SAMMSON: variants seen among roughly 807,000 people sequenced by gnomAD.
The protein encoded by SAMMSON is survival associated mitochondrial melanoma specific oncogenic non-coding RNA.
chr3:70,236,009 C>T (rs918736388), intron 4 of SAMMSON, among the ~76,000 whole-genome samples: 1 of 152,270 alleles, frequency 6.6e-6, no homozygotes, highest in Non-Finnish European at 1.5e-5. Context: ...TGAAAAAATA[C>T]TAGCAGCGAA....
chr3:70,374,798 G>C (rs550269835), intron 9 of SAMMSON, among the ~76,000 whole-genome samples: 8 of 152,288 alleles, frequency 5.3e-5, no homozygotes, highest in African/African-American at 1.9e-4. Context: ...CTGGAGCTAA[G>C]GCCACACTTT....
At chr3:70,408,707 G>C (rs111983164) in intron 2 of SAMMSON, among the ~76,000 whole-genome samples, 2 of 151,980 alleles carry the variant, frequency 1.3e-5, no homozygotes, top group African/African-American at 2.4e-5. Context: ...ACATTTTCCT[G>C]TCTTCTCCTG....
intron 4 of SAMMSON, among the ~76,000 whole-genome samples, chr3:70,248,268 A>T (rs1002346206): frequency 6.6e-6 from 1 of 152,144 alleles, no homozygotes; most frequent in Admixed American, 6.6e-5. Flanking sequence ...GTAGAATATT[A>T]TCAACTTTCT....
At chr3:70,215,726 A>G (rs1212659188) in intron 4 of SAMMSON, among the ~76,000 whole-genome samples, 1 of 152,120 alleles carries the variant, frequency 6.6e-6, no homozygotes, top group South Asian at 2.1e-4. Context: ...TAAGCCATTC[A>G]GCTCAATTTC....
intron 8 of SAMMSON, chr3:70,358,149 T>TA (rs1466083056): frequency 6.6e-6 from 1 of 152,172 alleles, no homozygotes; most frequent in African/African-American, 2.4e-5. Flanking sequence ...TAAATTACCT[T>TA]AAAAAACAAA....
chr3:70,350,294 C>G (rs1702784865), intron 7 of SAMMSON, among the ~76,000 whole-genome samples: 1 of 152,008 alleles, frequency 6.6e-6, no homozygotes. Context: ...AAAGAATAAC[C>G]TTTTTTTGCA....
intron 7 of SAMMSON, among the ~76,000 whole-genome samples, chr3:70,307,277 G>A (rs1702411245): frequency 6.6e-6 from 1 of 152,056 alleles, no homozygotes; most frequent in African/African-American, 2.4e-5. Context: ...CAGATTTCCA[G>A]TTTCTCCTGA....
At chr3:70,362,188 G>A (rs921933821) in intron 9 of SAMMSON, among the ~76,000 whole-genome samples, 1 of 152,176 alleles carries the variant, frequency 6.6e-6, no homozygotes, top group Admixed American at 6.5e-5. Context: ...ACTCTCGGAT[G>A]ATAAGTGGTG....
intron 2 of SAMMSON, among the ~76,000 whole-genome samples, chr3:70,430,284 T>A (rs1207105214): frequency 6.6e-6 from 1 of 152,204 alleles, no homozygotes; most frequent in Non-Finnish European, 1.5e-5. Context: ...GATTTGCAGA[T>A]GTTCAACCAG....
intron 3 of SAMMSON, among the ~76,000 whole-genome samples, chr3:70,035,346 A>G (rs1168516657): frequency 2.0e-5 from 3 of 151,082 alleles, no homozygotes; most frequent in Non-Finnish European, 4.4e-5. Flanking sequence ...GACTAGAGAA[A>G]ACACTCTTTT....
intron 4 of SAMMSON, among the ~76,000 whole-genome samples, chr3:70,177,354 C>T (rs957367898): frequency 2.0e-5 from 3 of 152,268 alleles, no homozygotes; most frequent in Non-Finnish European, 4.4e-5. Flanking sequence ...TTATTGAGCA[C>T]CTACCGTGAA....
intron 4 of SAMMSON, among the ~76,000 whole-genome samples, chr3:70,112,120 T>A (rs2067392238): frequency 6.6e-6 from 1 of 151,990 alleles, no homozygotes; most frequent in South Asian, 2.1e-4. Context: ...GCAAAAATAA[T>A]TAAACAACTA....
At chr3:70,347,486 G>A (rs562640467) in intron 7 of SAMMSON, among the ~76,000 whole-genome samples, 1 of 152,216 alleles carries the variant, frequency 6.6e-6, no homozygotes, top group South Asian at 2.1e-4. Flanking sequence ...GATGGAGAAG[G>A]GCCCGAGGAA....
At chr3:70,375,512 TG>T (rs1375412307) in intron 9 of SAMMSON, among the ~76,000 whole-genome samples, 1 of 151,962 alleles carries the variant, frequency 6.6e-6, no homozygotes, top group African/African-American at 2.4e-5. Context: ...AGATTTGTGA[TG>T]GTGTGGGAGT....
chr3:70,432,726 A>G (rs2106780824), intron 2 of SAMMSON, among the ~76,000 whole-genome samples: 1 of 152,134 alleles, frequency 6.6e-6, no homozygotes, highest in East Asian at 1.9e-4. Flanking sequence ...GTAAGTTTTG[A>G]CAAATGTACA....
At chr3:70,165,916 G>T (rs775130835) in intron 4 of SAMMSON, among the ~76,000 whole-genome samples, 28 of 151,906 alleles carry the variant, frequency 1.8e-4, no homozygotes, top group African/African-American at 5.1e-4. Context: ...GGAAAGACTG[G>T]GAGTTGTGAT....
intron 7 of SAMMSON, among the ~76,000 whole-genome samples, chr3:70,292,529 T>C (rs1205280244): frequency 1.3e-5 from 2 of 152,134 alleles, no homozygotes; most frequent in African/African-American, 4.8e-5. Flanking sequence ...CTCCTTTGGT[T>C]TGAGAGGCAT....
intron 8 of SAMMSON, among the ~76,000 whole-genome samples, chr3:70,354,482 G>A (rs774793522): frequency 3.3e-5 from 5 of 152,176 alleles, no homozygotes; most frequent in Non-Finnish European, 7.3e-5. Context: ...ATCAGAAGAA[G>A]CAATAAGTAA....
intron 3 of SAMMSON, among the ~76,000 whole-genome samples, chr3:70,025,718 A>G (rs2067034883): frequency 6.6e-6 from 1 of 152,202 alleles, no homozygotes; most frequent in Admixed American, 6.5e-5. Context: ...AAACTTAACT[A>G]CAATAGCCTT....
Sources: allele counts gnomAD v4.1 joint callset (sites outside exome capture counted in the v4.1 genomes callset), GRCh38; gene constraint gnomAD v4.1.1; transcripts MANE v1.5; gene names NCBI Gene and HGNC (gene_info 2026-07-23, HGNC 2026-07-21).